LINGO2: variants seen among roughly 807,000 people sequenced by gnomAD.
LINGO2 encodes the protein leucine-rich repeat and immunoglobulin-like domain-containing nogo receptor-interacting protein 2.
Under a neutral mutation model 30.6 loss-of-function variants are expected in LINGO2, and 14 were observed. The ratio of observed to expected loss-of-function variants is 0.46; its 90% CI spans 0.30 to 0.72. The LOEUF (loss-of-function observed/expected upper bound fraction) is 0.72, where lower values mean the gene tolerates loss of function less well. Ranked by LOEUF, LINGO2 falls within the 30% of genes least tolerant of loss-of-function variation. LINGO2 has a pLI of 0.07. For synonymous variants in LINGO2, 317 were observed against 288.5 expected (o/e 1.10, Z -1.00); for missense variants, 729 against 751.7 (o/e 0.97, Z 0.35).
intron 1 of LINGO2, among the ~76,000 whole-genome samples, chr9:28,489,487 T>G (rs1179473374): frequency 6.6e-6 from 1 of 152,102 alleles, no homozygotes; most frequent in Non-Finnish European, 1.5e-5. Flanking sequence ...CCTTTTAATA[T>G]TGTGGCTAAA....
intron 4 of LINGO2, among the ~76,000 whole-genome samples, chr9:28,261,328 C>T (rs1587346715): frequency 6.6e-6 from 1 of 151,968 alleles, no homozygotes; most frequent in East Asian, 1.9e-4. Context: ...CTTTTTGCAG[C>T]CATGCTTAAA....
intron 1 of LINGO2, among the ~76,000 whole-genome samples, chr9:28,620,074 A>G (rs926718824): frequency 2.0e-5 from 3 of 152,114 alleles, no homozygotes; most frequent in Admixed American, 2.0e-4. Context: ...CAATGCCCAA[A>G]GAGCAAATTG....
chr9:28,632,817 A>ATG (rs1827041131), intron 1 of LINGO2, among the ~76,000 whole-genome samples: 1 of 119,714 alleles, frequency 8.4e-6, no homozygotes, highest in South Asian at 2.6e-4. Flanking sequence ...GATGATCTAT[A>ATG]TATATTATAT....
chr9:28,576,036 G>A (rs1043148607), intron 1 of LINGO2, among the ~76,000 whole-genome samples: 3 of 152,064 alleles, frequency 2.0e-5, no homozygotes, highest in African/African-American at 7.2e-5. Context: ...TAAATCGATT[G>A]TAAGTTGAAA....
the LINGO2 span, among the ~76,000 whole-genome samples, chr9:28,767,017 T>C: frequency 1.3e-5 from 2 of 151,400 alleles, no homozygotes; most frequent in African/African-American, 4.9e-5. Flanking sequence ...GATCTCACTT[T>C]GATGTAGGAT....
intron 4 of LINGO2, among the ~76,000 whole-genome samples, chr9:28,204,579 T>A (rs73445977): frequency 6.6e-6 from 1 of 152,198 alleles, no homozygotes; most frequent in South Asian, 2.1e-4. Flanking sequence ...TGTATGTGCC[T>A]GGTGTATGGG....
At chr9:29,042,362 C>G in the LINGO2 span, among the ~76,000 whole-genome samples, 3 of 151,906 alleles carry the variant, frequency 2.0e-5, no homozygotes, top group Admixed American at 6.6e-5. Flanking sequence ...CAGAGAATAA[C>G]AACTGATGTT....
At chr9:29,009,984 A>G in the LINGO2 span, among the ~76,000 whole-genome samples, 1 of 152,178 alleles carries the variant, frequency 6.6e-6, no homozygotes, top group Non-Finnish European at 1.5e-5. Flanking sequence ...CATGTGTAGA[A>G]AGCTGAAACT....
At chr9:28,547,563 G>A (rs944678026) in intron 1 of LINGO2, among the ~76,000 whole-genome samples, 7 of 151,956 alleles carry the variant, frequency 4.6e-5, no homozygotes, top group Admixed American at 6.6e-5. Context: ...TTTTATTTTC[G>A]AAAGGAACAT....
chr9:27,950,210 G>C (rs749890690), exon 6 of LINGO2: 1 of 1,613,944 alleles, frequency 6.2e-7, no homozygotes, highest in Admixed American at 1.7e-5. Context: ...GAGACTTCAG[G>C]TTATGTAGAT....
At chr9:28,061,201 TTTC>T (rs973467145) in intron 4 of LINGO2, among the ~76,000 whole-genome samples, 50 of 149,338 alleles carry the variant, frequency 3.3e-4, no homozygotes, top group African/African-American at 1.2e-3. Context: ...ATCTAGTATG[TTTC>T]TTAATGAGTG....
the LINGO2 span, among the ~76,000 whole-genome samples, chr9:28,992,708 A>T: frequency 3.3e-4 from 50 of 152,242 alleles, no homozygotes; most frequent in South Asian, 1.2e-3. Flanking sequence ...GGATTAAGAA[A>T]CTCACTCAAA....
the LINGO2 span, among the ~76,000 whole-genome samples, chr9:28,685,724 C>G: frequency 6.6e-6 from 1 of 152,160 alleles, no homozygotes; most frequent in African/African-American, 2.4e-5. Context: ...GTCATATATT[C>G]AAAGTCAGAG....
At chr9:28,511,412 C>G (rs1303312576) in intron 1 of LINGO2, among the ~76,000 whole-genome samples, 1 of 152,102 alleles carries the variant, frequency 6.6e-6, no homozygotes, top group Non-Finnish European at 1.5e-5. Flanking sequence ...GTGGCCGTAG[C>G]CAGGTCAGCC....
intron 4 of LINGO2, among the ~76,000 whole-genome samples, chr9:28,234,942 A>G (rs1222097067): frequency 6.6e-6 from 1 of 152,230 alleles, no homozygotes; most frequent in Non-Finnish European, 1.5e-5. Flanking sequence ...GCTAGGATGC[A>G]AGAGAGTAGA....
intron 4 of LINGO2, among the ~76,000 whole-genome samples, chr9:28,286,503 T>G (rs187060769): frequency 6.6e-6 from 1 of 152,184 alleles, no homozygotes; most frequent in Non-Finnish European, 1.5e-5. Flanking sequence ...TAAAGACACA[T>G]GCACACATAT....
chr9:28,266,581 G>A (rs1220925510), intron 4 of LINGO2, among the ~76,000 whole-genome samples: 1 of 151,960 alleles, frequency 6.6e-6, no homozygotes, highest in African/African-American at 2.4e-5. Flanking sequence ...TTCTGTCTCA[G>A]AGTTCTTCTC....
chr9:28,179,063 G>A (rs1587149332), intron 4 of LINGO2, among the ~76,000 whole-genome samples: 1 of 151,998 alleles, frequency 6.6e-6, no homozygotes, highest in South Asian at 2.1e-4. Context: ...TTGAACCGCA[G>A]CATGGAGCAA....
the LINGO2 span, among the ~76,000 whole-genome samples, chr9:28,964,578 A>C: frequency 2.4e-4 from 37 of 152,074 alleles, no homozygotes; most frequent in African/African-American, 8.2e-4. Flanking sequence ...GACGAGTTAC[A>C]AACAAGGAGT....
Sources: allele counts gnomAD v4.1 joint callset (sites outside exome capture counted in the v4.1 genomes callset), GRCh38; gene constraint gnomAD v4.1.1; transcripts MANE v1.5; gene names NCBI Gene and HGNC (gene_info 2026-07-23, HGNC 2026-07-21).